Variants in CDH4 observed in about 807,000 individuals in gnomAD.
CDH4 encodes cadherin 4, also known as cadherin-4.
In CDH4, 33 loss-of-function variants were observed where a neutral mutation model predicts 86.0. The observed-to-expected ratio is 0.38, with a 90% CI of 0.29 to 0.51. The LOEUF is 0.51. Ranked by LOEUF, CDH4 falls within the 20% of genes least tolerant of loss-of-function variation. CDH4 has a pLI of 0.86. For missense variants in CDH4, 1,114 were observed against 1,307.4 expected (o/e 0.85, Z 2.28); for synonymous variants, 555 against 549.4 (o/e 1.01, Z -0.14).
chr20:61,865,012 C>A (rs1272259742), intron 6 of CDH4, among the ~76,000 whole-genome samples: 1 of 152,154 alleles, frequency 6.6e-6, no homozygotes, highest in African/African-American at 2.4e-5. Flanking sequence ...AAATCCACCC[C>A]TGAGTGGATT....
intron 4 of CDH4, among the ~76,000 whole-genome samples, chr20:61,783,014 G>T (rs1238883454): frequency 1.3e-5 from 2 of 152,204 alleles, no homozygotes; most frequent in African/African-American, 4.8e-5. Context: ...GAACCCCGGA[G>T]GTAGAGGTTG....
chr20:61,332,529 C>A (rs1408917284), intron 2 of CDH4, among the ~76,000 whole-genome samples: 2 of 152,214 alleles, frequency 1.3e-5, no homozygotes, highest in East Asian at 3.8e-4. Flanking sequence ...ATCCCCTTGG[C>A]TGCCACTGCC....
chr20:61,469,770 C>A (rs2085492186), intron 2 of CDH4, among the ~76,000 whole-genome samples: 1 of 152,098 alleles, frequency 6.6e-6, no homozygotes, highest in African/African-American at 2.4e-5. Flanking sequence ...TTCTATTCTT[C>A]TGCATATGGA....
At chr20:61,762,947 A>G (rs2088654360) in intron 3 of CDH4, among the ~76,000 whole-genome samples, 1 of 152,204 alleles carries the variant, frequency 6.6e-6, no homozygotes, top group South Asian at 2.1e-4. Flanking sequence ...CCCAGCAGAA[A>G]CTGATTTGAA....
intron 2 of CDH4, among the ~76,000 whole-genome samples, chr20:61,368,216 C>G (rs28625587): frequency 6.6e-6 from 1 of 152,046 alleles, no homozygotes; most frequent in African/African-American, 2.4e-5. Context: ...ATAGTAACTT[C>G]CCACTGGAGA....
intron 4 of CDH4, among the ~76,000 whole-genome samples, chr20:61,800,737 T>C (rs1158895015): frequency 6.6e-6 from 1 of 152,160 alleles, no homozygotes; most frequent in Non-Finnish European, 1.5e-5. Context: ...AGAGCACAGA[T>C]GGCCTCTTGG....
chr20:61,333,166 A>G (rs2084593302), intron 2 of CDH4, among the ~76,000 whole-genome samples: 1 of 152,210 alleles, frequency 6.6e-6, no homozygotes, highest in South Asian at 2.1e-4. Flanking sequence ...TAAAGAAAAG[A>G]AACAAAGGTA....
At chr20:61,814,490 G>A (rs544127262) in intron 4 of CDH4, among the ~76,000 whole-genome samples, 2 of 152,262 alleles carry the variant, frequency 1.3e-5, no homozygotes, top group East Asian at 3.9e-4. Context: ...ACCCACGCTC[G>A]AAGCCCCCAA....
At chr20:61,541,971 G>A (rs1293577783) in intron 2 of CDH4, among the ~76,000 whole-genome samples, 1 of 152,186 alleles carries the variant, frequency 6.6e-6, no homozygotes, top group Non-Finnish European at 1.5e-5. Flanking sequence ...AGCAATGAAA[G>A]GTGAGTGGAA....
intron 2 of CDH4, among the ~76,000 whole-genome samples, chr20:61,314,776 G>T (rs968488728): frequency 6.6e-6 from 1 of 152,128 alleles, no homozygotes; most frequent in Non-Finnish European, 1.5e-5. Context: ...TTTTCTCCAC[G>T]TCCTCACCGA....
At chr20:61,461,197 T>TTA (rs538950711) in intron 2 of CDH4, among the ~76,000 whole-genome samples, 1 of 151,760 alleles carries the variant, frequency 6.6e-6, no homozygotes, top group African/African-American at 2.4e-5. Context: ...CATTTTTTTT[T>TTA]AAAAAAAATG....
At chr20:61,291,723 G>T (rs998796234) in intron 2 of CDH4, among the ~76,000 whole-genome samples, 1 of 152,102 alleles carries the variant, frequency 6.6e-6, no homozygotes, top group African/African-American at 2.4e-5. Context: ...TGGCCTCGGA[G>T]ACTCGGTTTC....
At chr20:61,848,677 C>T (rs1216079523) in intron 5 of CDH4, among the ~76,000 whole-genome samples, 1 of 152,204 alleles carries the variant, frequency 6.6e-6, no homozygotes, top group Non-Finnish European at 1.5e-5. Context: ...AGGCACCCGC[C>T]ACCACGCCCA....
At chr20:61,451,381 T>C (rs575826395) in intron 2 of CDH4, among the ~76,000 whole-genome samples, 14 of 152,320 alleles carry the variant, frequency 9.2e-5, no homozygotes, top group African/African-American at 3.4e-4. Flanking sequence ...CAGGTAGGAT[T>C]GTTGCTTACT....
At chr20:61,805,725 T>C (rs1307147658) in intron 4 of CDH4, among the ~76,000 whole-genome samples, 4 of 152,194 alleles carry the variant, frequency 2.6e-5, no homozygotes, top group Non-Finnish European at 5.9e-5. Flanking sequence ...CTCAAGCTCA[T>C]TGATCATCCG....
chr20:61,390,760 C>T (rs1276801119), intron 2 of CDH4, among the ~76,000 whole-genome samples: 2 of 147,654 alleles, frequency 1.4e-5, no homozygotes, highest in East Asian at 2.1e-4. Context: ...CCCATAGTGC[C>T]GTGTCTGGGA....
intron 2 of CDH4, among the ~76,000 whole-genome samples, chr20:61,405,017 T>C (rs1357174264): frequency 6.6e-6 from 1 of 152,212 alleles, no homozygotes; most frequent in Non-Finnish European, 1.5e-5. Flanking sequence ...GCCCCCGCAC[T>C]CCAGCCTGAG....
chr20:61,642,416 G>T (rs192645445), intron 2 of CDH4, among the ~76,000 whole-genome samples: 13 of 152,264 alleles, frequency 8.5e-5, no homozygotes, highest in African/African-American at 2.9e-4. Context: ...TGGGCAGCAG[G>T]TGTGGGCAGG....
In CDH4 at chr20:61,829,124, C is replaced by G; in HGVS notation, c.577-15544C>G. Among the ~76,000 whole-genome samples, 1 of 152,322 alleles carries G rather than the reference C, an allele frequency of 6.6e-6. No individual in the cohort carries two copies. ...GCCCAGTTCCTAACAGGCCACAGAC[C>G]GGTACCGGGTTGGGGACCCTGCTTT... On this transcript the variant is annotated intron_variant, in intron 4 of 15. Transcript: ENST00000614565. This position sits in a 1 kb window ranked among gnomAD's most constrained non-coding sequence, Gnocchi z 4.2.
Sources: allele counts gnomAD v4.1 joint callset (sites outside exome capture counted in the v4.1 genomes callset), GRCh38; gene constraint gnomAD v4.1.1; non-coding constraint Gnocchi (gnomAD v3.1); transcripts MANE v1.5; gene names NCBI Gene and HGNC (gene_info 2026-07-23, HGNC 2026-07-21).